Variants in TTC34 observed in about 807,000 individuals in gnomAD.
TTC34 encodes tetratricopeptide repeat protein 34.
A neutral mutation model predicts 40.7 loss-of-function variants in TTC34; 44 were observed. That is an observed-to-expected ratio of 1.08 (90% CI 0.85 to 1.39). The LOEUF (loss-of-function observed/expected upper bound fraction) is 1.39, where lower values mean the gene tolerates loss of function less well. Ranked by LOEUF, TTC34 falls within the 40% of genes most tolerant of loss-of-function variation. TTC34 has a pLI of 0.00. For missense variants in TTC34, 884 were observed against 838.0 expected, an observed-to-expected ratio of 1.05 and a Z score of -0.68; for synonymous variants, 422 against 398.6, an observed-to-expected ratio of 1.06 and a Z score of -0.70.
chr1:2,785,226 G>C (rs1419131403), intron 5 of TTC34, among the ~76,000 whole-genome samples: 1 of 151,964 alleles, frequency 6.6e-6, no homozygotes, highest in African/African-American at 2.4e-5. Context: ...AGGAGGATGA[G>C]GGGTGCTTAC....
chr1:2,700,081 C>A (rs1641060339), intron 6 of TTC34, among the ~76,000 whole-genome samples: 2 of 121,692 alleles, frequency 1.6e-5, no homozygotes. Context: ...CCACCTGGAG[C>A]AGCACCCACA....
chr1:2,778,086 T>C (rs1643358746), intron 6 of TTC34, among the ~76,000 whole-genome samples: 1 of 152,214 alleles, frequency 6.6e-6, no homozygotes. Context: ...AAGTCAGGCC[T>C]GCCAGTGGGA....
chr1:2,750,599 C>T (rs1641285678), intron 6 of TTC34, among the ~76,000 whole-genome samples: 1 of 145,040 alleles, frequency 6.9e-6, no homozygotes, highest in Admixed American at 6.8e-5. Flanking sequence ...GGAGCAGCAC[C>T]CCACACCCAC....
intron 6 of TTC34, among the ~76,000 whole-genome samples, chr1:2,777,454 C>T (rs901018688): frequency 6.6e-6 from 1 of 150,772 alleles, no homozygotes; most frequent in Non-Finnish European, 1.5e-5. Flanking sequence ...CAAGTCCTGC[C>T]CCCCGGTTAG....
At chr1:2,792,105 C>T (rs1340971394) in intron 2 of TTC34, among the ~76,000 whole-genome samples, 2 of 142,966 alleles carry the variant, frequency 1.4e-5, no homozygotes, top group African/African-American at 5.1e-5. Flanking sequence ...TAACCTTGAC[C>T]TCCTGGGCTC....
intron 6 of TTC34, among the ~76,000 whole-genome samples, chr1:2,765,719 C>G (rs1641768279): frequency 4.0e-5 from 2 of 50,432 alleles, no homozygotes; most frequent in Non-Finnish European, 6.4e-5. Flanking sequence ...TGCACACCCC[C>G]AGGCGAGCAT....
intron 6 of TTC34, among the ~76,000 whole-genome samples, chr1:2,688,359 A>G (rs1400836125): frequency 1.3e-5 from 2 of 148,762 alleles, no homozygotes; most frequent in Non-Finnish European, 3.0e-5. Context: ...AGCCTGGAGC[A>G]GCACCCACAC....
intron 6 of TTC34, among the ~76,000 whole-genome samples, chr1:2,760,558 C>T (rs1472058120): frequency 1.6e-4 from 6 of 36,478 alleles, no homozygotes; most frequent in South Asian, 1.5e-3. Context: ...TGGAGCAGCA[C>T]CCACACACCC....
chr1:2,789,469 G>A, intron 3 of TTC34, 34 bp downstream of exon 3: 3 of 1,496,016 alleles, frequency 2.0e-6, no homozygotes, highest in Non-Finnish European at 2.7e-6. Flanking sequence ...CCCGCAGGAA[G>A]CAGCGGCCCC....
In TTC34 at chr1:2,645,221, A is replaced by C. The variant is rs543039968; in HGVS notation, c.2497+72T>G. ...TCTCTTTCTTCCATTTTTACAGAAC[A>C]GGATACAGAGGTCAGAGGAGCGGGG... On this transcript the variant is annotated intron_variant, in intron 7 of 8. Coordinates refer to ENST00000401095, the Ensembl canonical transcript of TTC34. This position sits in a 1 kb window ranked among gnomAD's most constrained non-coding sequence, Gnocchi z 4.7. 2.0e-3 allele frequency: 2,805 copies of C among 1,396,890 alleles called. 9 individuals are homozygous for C. Among genetic ancestry groups the C allele is most frequent in the Non-Finnish European group, 2.4e-3 (2,540 of 1,074,788 alleles). 86.5% of individuals were successfully genotyped at this position (1,396,890 alleles called of 1,614,324 possible).
chr1:2,797,045 C>A (rs1017383364), intron 2 of TTC34, among the ~76,000 whole-genome samples: 1 of 152,308 alleles, frequency 6.6e-6, no homozygotes, highest in Middle Eastern at 3.4e-3. Context: ...TCCGAATTTT[C>A]TTCCTTCTTC....
chr1:2,749,379 G>C (rs1641243333), intron 6 of TTC34, among the ~76,000 whole-genome samples: 1 of 119,674 alleles, frequency 8.4e-6, no homozygotes, highest in Non-Finnish European at 1.6e-5. Context: ...GTGAGACCCT[G>C]ACAGCCTGGA....
intron 6 of TTC34, among the ~76,000 whole-genome samples, chr1:2,773,049 C>T (rs1642531317): frequency 6.7e-6 from 1 of 149,462 alleles, no homozygotes; most frequent in Admixed American, 6.7e-5. Flanking sequence ...CCTGGAGCAG[C>T]ACGCACACCC....
Position 2,762,075 on chromosome 1 carries a change from G to C in TTC34, c.2226+21534C>G, listed in dbSNP as rs1412978263. Among the ~76,000 whole-genome samples, 4 of 61,816 alleles carry C rather than the reference G, an allele frequency of 6.5e-5. 1 individual carries two copies. Among genetic ancestry groups the C allele is most frequent in the Non-Finnish European group, 1.0e-4 (4 of 38,108 alleles). The allele number at this position is 61,816 out of a possible 152,430, so 40.6% of individuals were successfully genotyped here. The stretch of plus-strand genomic sequence containing the variant: ...CCCCCGGGCGAGCATCTGACAGCCT[G>C]GAGCAGCACACACAACCCCAGGCGA... On this transcript the variant is annotated intron_variant, in intron 6 of 8. Coordinates refer to ENST00000401095, the Ensembl canonical transcript of TTC34.
chr1:2,788,392 GGTGTGTTGTGT>G (rs2100627937), intron 3 of TTC34, among the ~76,000 whole-genome samples: 1 of 151,068 alleles, frequency 6.6e-6, no homozygotes, highest in South Asian at 2.1e-4. Context: ...GTGTGTGTCT[GGTGTGTTGTGT>G]GTGTGTTATG....
chr1:2,646,754 C>A (rs1472634612), intron 6 of TTC34, among the ~76,000 whole-genome samples: 1 of 152,216 alleles, frequency 6.6e-6, no homozygotes, highest in East Asian at 1.9e-4. Flanking sequence ...TTTGTATTTG[C>A]AGATGCTTTT....
chr1:2,693,451 GAAC>G (rs1426031256), intron 6 of TTC34, among the ~76,000 whole-genome samples: 20 of 79,216 alleles, frequency 2.5e-4, no homozygotes, highest in African/African-American at 3.3e-4. Context: ...TGACAGCCTG[GAAC>G]AGCACCCTGC....
At chr1:2,641,218 G>A (rs1217280345) in exon 9 of TTC34, 3 of 804,026 alleles carry the variant, frequency 3.7e-6, no homozygotes, top group Non-Finnish European at 5.4e-6. Flanking sequence ...GGTTGGGAAG[G>A]GGTGTGTGGG....
At chr1:2,698,543 GGGCAGCCTGGAGCAGCACCCACACCCCCA>G (rs1640974049) in intron 6 of TTC34, among the ~76,000 whole-genome samples, 1 of 33,042 alleles carries the variant, frequency 3.0e-5, no homozygotes, top group Admixed American at 2.8e-4. Flanking sequence ...GGTGAGCATC[GGGCAGCCTGGAGCAGCACCCACACCCCCA>G]GATGAGCATC....
Sources: gnomAD v4.1 joint callset for allele counts (sites outside exome capture counted in the v4.1 genomes callset) on GRCh38, gnomAD v4.1.1 for gene constraint, Gnocchi (gnomAD v3.1) non-coding constraint, MANE v1.5 for transcripts, NCBI Gene and HGNC (gene_info 2026-07-23, HGNC 2026-07-21) for gene names.